FRMD4A: variants seen among roughly 807,000 people sequenced by gnomAD.
FRMD4A encodes the protein FERM domain containing 4A, also known as FERM domain-containing protein 4A.
In FRMD4A, 29 loss-of-function variants were observed where a neutral mutation model predicts 129.1. That is an observed-to-expected ratio of 0.22 (90% CI 0.17 to 0.31). FRMD4A has a LOEUF of 0.31. Ranked by LOEUF, FRMD4A falls within the 10% of genes least tolerant of loss-of-function variation. The probability of loss-of-function intolerance (pLI) is 1.00; values close to 1 mark genes in which losing one functional copy is unlikely to be tolerated. For missense variants in FRMD4A, 1,272 were observed against 1,375.8 expected, an observed-to-expected ratio of 0.92 and a Z score of 1.19; for synonymous variants, 634 against 571.6, an observed-to-expected ratio of 1.11 and a Z score of -1.56.
At chr10:14,330,539 C>G (rs903096741) in intron 1 of FRMD4A, 58 bp downstream of exon 1, 1 of 409,724 alleles carries the variant, frequency 2.4e-6, no homozygotes, top group Admixed American at 4.1e-5. Flanking sequence ...GAGCCACCCC[C>G]TCTCTCTGCA....
At chr10:13,826,628 T>C (rs2130923563) in intron 3 of FRMD4A, among the ~76,000 whole-genome samples, 1 of 152,286 alleles carries the variant, frequency 6.6e-6, no homozygotes, top group Admixed American at 6.5e-5. Context: ...CCTAAAGCGT[T>C]ACCTCCCCAT....
intron 8 of FRMD4A, among the ~76,000 whole-genome samples, chr10:13,751,945 G>A (rs756261765): frequency 2.6e-5 from 4 of 152,186 alleles, no homozygotes; most frequent in African/African-American, 4.8e-5. Context: ...GAGCCCAGGA[G>A]TTTGACATTA....
chr10:14,277,056 G>T (rs1845366595), intron 2 of FRMD4A, among the ~76,000 whole-genome samples: 2 of 152,048 alleles, frequency 1.3e-5, no homozygotes, highest in Non-Finnish European at 2.9e-5. Flanking sequence ...GTAGAGACGG[G>T]GTTTTGCCAA....
At chr10:13,733,954 C>A (rs531481681) in intron 12 of FRMD4A, among the ~76,000 whole-genome samples, 1 of 152,334 alleles carries the variant, frequency 6.6e-6, no homozygotes, top group East Asian at 1.9e-4. Flanking sequence ...GAAATTCTTG[C>A]TACTCCTGAG....
intron 2 of FRMD4A, among the ~76,000 whole-genome samples, chr10:13,900,049 A>G (rs2094801533): frequency 6.6e-6 from 1 of 152,182 alleles, no homozygotes; most frequent in African/African-American, 2.4e-5. Flanking sequence ...GGGGCAGGTT[A>G]AAGTGCTTGG....
At chr10:14,261,393 A>G (rs1281092687) in intron 2 of FRMD4A, among the ~76,000 whole-genome samples, 1 of 152,196 alleles carries the variant, frequency 6.6e-6, no homozygotes, top group East Asian at 1.9e-4. Flanking sequence ...TAATGTAACT[A>G]ATCTGACTGC....
At chr10:13,741,992 G>T (rs2091032657) in intron 9 of FRMD4A, among the ~76,000 whole-genome samples, 1 of 152,134 alleles carries the variant, frequency 6.6e-6, no homozygotes, top group African/African-American at 2.4e-5. Flanking sequence ...GAGTAGCTGG[G>T]ATTACAGGTG....
chr10:14,233,227 A>C (rs1262416103), intron 2 of FRMD4A, among the ~76,000 whole-genome samples: 1 of 152,186 alleles, frequency 6.6e-6, no homozygotes, highest in Non-Finnish European at 1.5e-5. Flanking sequence ...GAGAGCAAAA[A>C]TACATATCCT....
chr10:13,707,006 A>T (rs769858640), intron 13 of FRMD4A, 31 bp downstream of exon 13: 10 of 1,179,380 alleles, frequency 8.5e-6, no homozygotes, highest in Non-Finnish European at 1.3e-5. Flanking sequence ...GAGCCACGCC[A>T]TCCCGCAAGA....
At chr10:13,906,040 G>T (rs193271763) in intron 2 of FRMD4A, among the ~76,000 whole-genome samples, 56 of 152,316 alleles carry the variant, frequency 3.7e-4, no homozygotes, top group Middle Eastern at 3.4e-3. Context: ...GGTCAACAGG[G>T]CCGAGCCCCA....
At chr10:13,881,988 AGGGTGTGTGTGTGTGTGTGTGTGT>A (rs756755731) in intron 2 of FRMD4A, among the ~76,000 whole-genome samples, 26 of 10,724 alleles carry the variant, frequency 2.4e-3, no homozygotes, top group East Asian at 0.012. Context: ...GGGAGAGGCA[AGGGTGTGTGTGTGTGTGTGTGTGT>A]GTGTGTGTGT....
At chr10:13,843,051 G>A (rs558238872) in intron 3 of FRMD4A, among the ~76,000 whole-genome samples, 1 of 152,202 alleles carries the variant, frequency 6.6e-6, no homozygotes, top group Non-Finnish European at 1.5e-5. Context: ...GCATCACGCT[G>A]CCTCTACCTG....
chr10:13,706,597 C>T (rs779063036), intron 13 of FRMD4A, among the ~76,000 whole-genome samples: 5 of 152,144 alleles, frequency 3.3e-5, no homozygotes, highest in Non-Finnish European at 7.3e-5. Context: ...TCGCATTGAC[C>T]GTCCTGCCTG....
At chr10:13,806,157 T>TG (rs1043095798) in intron 4 of FRMD4A, among the ~76,000 whole-genome samples, 21 of 151,948 alleles carry the variant, frequency 1.4e-4, no homozygotes, top group South Asian at 4.2e-4. Context: ...ATTTTTTTTT[T>TG]TTTGTTTTGT....
intron 5 of FRMD4A, 118 bp from the exon 6 acceptor site, chr10:13,783,124 GA>G: frequency 1.2e-5 from 8 of 662,198 alleles, no homozygotes; most frequent in Non-Finnish European, 1.4e-5. Context: ...ATAAACAAAG[GA>G]AAAAGGCACC....
rs570504603 is a variant in FRMD4A at position 13,725,267 on chromosome 10, C to T, written c.759+12577G>A. Among the ~76,000 whole-genome samples, 10 of 152,276 alleles carry T rather than the reference C, an allele frequency of 6.6e-5. No individual in the cohort carries two copies. In the South Asian group the frequency reaches 8.3e-4, roughly 13 times the overall value. On this transcript the variant is annotated intron_variant, in intron 12 of 24. Transcript: ENST00000357447. ...TGTCTTGACTGCTGGGCCAGGTATCCGGCAAATAATGGCAGGGGGCAGGGG... is the reference window on the plus strand; with the variant it reads ...TGTCTTGACTGCTGGGCCAGGTATCTGGCAAATAATGGCAGGGGGCAGGGG...
chr10:13,905,177 C>T (rs761419960), intron 2 of FRMD4A, among the ~76,000 whole-genome samples: 2 of 151,944 alleles, frequency 1.3e-5, no homozygotes, highest in Non-Finnish European at 2.9e-5. Flanking sequence ...TTGGGGATAC[C>T]TGCAATGCAT....
chr10:14,194,154 T>A (rs1156292881), intron 2 of FRMD4A, among the ~76,000 whole-genome samples: 1 of 152,186 alleles, frequency 6.6e-6, no homozygotes, highest in Non-Finnish European at 1.5e-5. Flanking sequence ...ACAATCAGCT[T>A]CTATAACCAC....
chr10:14,119,439 C>T (rs563829210), intron 2 of FRMD4A, among the ~76,000 whole-genome samples: 8 of 152,312 alleles, frequency 5.3e-5, no homozygotes, highest in Admixed American at 2.6e-4. Flanking sequence ...GCAGATATAA[C>T]GTTCCCCTTC....
Sources: allele counts gnomAD v4.1 joint callset (sites outside exome capture counted in the v4.1 genomes callset), GRCh38; gene constraint gnomAD v4.1.1; transcripts MANE v1.5; gene names NCBI Gene and HGNC (gene_info 2026-07-23, HGNC 2026-07-21).